The following RALYL variants were observed in gnomAD, a reference collection of about 807,000 sequenced individuals.
The protein encoded by RALYL is RALY RNA binding protein like, also known as RNA-binding Raly-like protein.
In RALYL, 29 loss-of-function variants were observed where a neutral mutation model predicts 35.1. The ratio of observed to expected loss-of-function variants is 0.83; its 90% CI spans 0.61 to 1.13. RALYL has a LOEUF of 1.13. Ranked by LOEUF, RALYL falls within the 50% of genes most tolerant of loss-of-function variation. The pLI is 0.00. For synonymous variants in RALYL, 120 were observed against 127.6 expected (o/e 0.94, Z 0.40); for missense variants, 359 against 360.4 (o/e 1.00, Z 0.03).
At chr8:84,347,165 C>T (rs975468705) in intron 1 of RALYL, among the ~76,000 whole-genome samples, 2 of 151,980 alleles carry the variant, frequency 1.3e-5, no homozygotes, top group Non-Finnish European at 1.5e-5. Flanking sequence ...CATGCCACTG[C>T]ACTCCAGCCT....
chr8:84,639,829 C>T lies in RALYL; in HGVS notation c.256+110252C>T, dbSNP rs1825941336. On this transcript the variant is annotated intron_variant, in intron 2 of 8. Transcript: ENST00000521268. ...TGAAGGTGGGAAGGCACTCATTAAT[C>T]CTTAAAACCCTTTTAATCAATATAA... 2.6e-5 allele frequency among the ~76,000 whole-genome samples: 4 copies of T among 152,054 alleles called. No homozygotes were observed. The South Asian group carries it at 8.3e-4, about 32-fold the overall frequency.
At chr8:84,507,422 G>A (rs1041452790) in intron 1 of RALYL, among the ~76,000 whole-genome samples, 2 of 151,936 alleles carry the variant, frequency 1.3e-5, no homozygotes, top group African/African-American at 2.4e-5. Context: ...GTAAGACAAC[G>A]CCCAGAAATT....
chr8:84,212,347 C>T (rs1043542922), intron 1 of RALYL, among the ~76,000 whole-genome samples: 10 of 152,158 alleles, frequency 6.6e-5, no homozygotes, highest in Middle Eastern at 3.4e-3. Context: ...TATTTACCTA[C>T]GTTTGTATTT....
chr8:84,529,563 C>T lies in RALYL; in HGVS notation c.242C>T (p.Ala81Val), dbSNP rs1429930155. The stretch of plus-strand genomic sequence containing the variant: ...GCTGGAGAAAATGCCAGAGTCATCG[C>T]CGGCCAACCACTTGGTAAGTCATGC... Reference protein sequence around the residue: ...AVAGENARVIAGQPLDINMAG... With the variant: ...AVAGENARVIVGQPLDINMAG... Residue 81 changes from alanine (A) to valine (V), a missense_variant, in exon 2 of 9, where the codon GCC (alanine) becomes GTC (valine). Transcript: ENST00000521268. The T allele has an allele frequency of 2.5e-6, 4 of 1,607,294 alleles. No homozygotes were observed. The highest frequency in any genetic ancestry group is 3.4e-6 in the Non-Finnish European group (4 of 1,174,276).
chr8:84,721,480 T>C (rs1843903096), intron 2 of RALYL, among the ~76,000 whole-genome samples: 2 of 152,160 alleles, frequency 1.3e-5, no homozygotes, highest in South Asian at 4.1e-4. Context: ...TTTTATCATT[T>C]TAAGAAATGA....
At chr8:84,271,091 A>T (rs950967230) in intron 1 of RALYL, among the ~76,000 whole-genome samples, 4 of 152,106 alleles carry the variant, frequency 2.6e-5, no homozygotes, top group Non-Finnish European at 5.9e-5. Flanking sequence ...TCTTTACAAG[A>T]TACCACCAAG....
At chr8:84,447,783 A>G (rs1177452909) in intron 1 of RALYL, among the ~76,000 whole-genome samples, 1 of 152,048 alleles carries the variant, frequency 6.6e-6, no homozygotes, top group African/African-American at 2.4e-5. Context: ...ATTTGGGTAT[A>G]TTAGTGTGAA....
At chr8:84,601,730 A>C (rs1816012323) in intron 2 of RALYL, among the ~76,000 whole-genome samples, 1 of 152,122 alleles carries the variant, frequency 6.6e-6, no homozygotes, top group African/African-American at 2.4e-5. Flanking sequence ...GAGAAAAAAA[A>C]ACTAAAGCCC....
rs1861240544 is a variant in RALYL at position 84,393,897 on chromosome 8, A to G, written c.-23-135402A>G. On this transcript the variant is annotated intron_variant, in intron 1 of 8. Coordinates refer to ENST00000521268, the MANE Select transcript of RALYL (RefSeq NM_173848.7). ...CTGGCAAATAGTAAGCATGCAAATA[A>G]TGATAATTATTTTTTATTATATATC... 2.0e-5 allele frequency among the ~76,000 whole-genome samples: 3 copies of G among 152,238 alleles called. No individual in the cohort carries two copies. The South Asian group carries it at 6.2e-4, about 32-fold the overall frequency.
At chr8:84,794,745 C>T (rs368549655) in intron 3 of RALYL, among the ~76,000 whole-genome samples, 1 of 152,276 alleles carries the variant, frequency 6.6e-6, no homozygotes, top group East Asian at 1.9e-4. Flanking sequence ...TGGAGCATTT[C>T]AATTATCCTA....
At chr8:84,534,196 G>A (rs968584113) in intron 2 of RALYL, among the ~76,000 whole-genome samples, 1 of 152,216 alleles carries the variant, frequency 6.6e-6, no homozygotes, top group Non-Finnish European at 1.5e-5. Context: ...TGAACAACTT[G>A]TGTTCTATCG....
intron 8 of RALYL, 33 bp from the exon 9 acceptor site, chr8:84,920,861 T>G (rs1422562259): frequency 9.0e-7 from 1 of 1,108,474 alleles, no homozygotes. Context: ...AACACAAATC[T>G]CTGTATTTTA....
intron 1 of RALYL, among the ~76,000 whole-genome samples, chr8:84,410,200 T>C (rs558908856): frequency 9.2e-5 from 14 of 152,088 alleles, no homozygotes; most frequent in Admixed American, 5.2e-4. Flanking sequence ...CTTTCTTTTT[T>C]GTTCACAGTA....
At chr8:84,426,432 C>CTGTG (rs1426166925) in intron 1 of RALYL, among the ~76,000 whole-genome samples, 3 of 67,140 alleles carry the variant, frequency 4.5e-5, no homozygotes, top group Non-Finnish European at 1.1e-4. Context: ...CGTTCTCTCT[C>CTGTG]TCTCTCTGTG....
intron 2 of RALYL, among the ~76,000 whole-genome samples, chr8:84,722,714 T>C (rs1308965542): frequency 6.8e-6 from 1 of 147,384 alleles, no homozygotes; most frequent in Non-Finnish European, 1.5e-5. Context: ...GTTTTGTGTA[T>C]GTGTGTATAT....
intron 1 of RALYL, among the ~76,000 whole-genome samples, chr8:84,290,680 C>A (rs113112712): frequency 0.027 from 4,117 of 152,266 alleles, 102 homozygotes; most frequent in Non-Finnish European, 0.031. Flanking sequence ...TCTTCAGTTA[C>A]TTCAGGCCAT....
intron 1 of RALYL, among the ~76,000 whole-genome samples, chr8:84,504,305 A>T (rs1023293556): frequency 4.6e-5 from 7 of 152,146 alleles, no homozygotes; most frequent in Non-Finnish European, 1.0e-4. Context: ...TAGAAACTAA[A>T]TTTTTGTTCA....
chr8:84,325,434 C>T (rs1235335373), intron 1 of RALYL, among the ~76,000 whole-genome samples: 2 of 152,220 alleles, frequency 1.3e-5, no homozygotes, highest in East Asian at 3.8e-4. Flanking sequence ...GTACTCAACG[C>T]CTCTGGATTT....
intron 3 of RALYL, among the ~76,000 whole-genome samples, chr8:84,779,624 T>C (rs1263116875): frequency 1.3e-5 from 2 of 152,192 alleles, no homozygotes; most frequent in Non-Finnish European, 2.9e-5. Flanking sequence ...TCTTTAAGAT[T>C]GTCAGAAGAT....
Sources: gnomAD v4.1 joint callset for allele counts (sites outside exome capture counted in the v4.1 genomes callset) on GRCh38, gnomAD v4.1.1 for gene constraint, MANE v1.5 for transcripts, NCBI Gene and HGNC (gene_info 2026-07-23, HGNC 2026-07-21) for gene names.